The following TCF7 variants were observed in gnomAD, a reference collection of about 807,000 sequenced individuals.
The protein encoded by TCF7 is transcription factor 7.
TCF7 carries 19 observed loss-of-function variants against 46.8 expected under a neutral mutation model. The observed-to-expected ratio is 0.41, with a 90% CI of 0.28 to 0.60. TCF7 has a LOEUF of 0.60. TCF7 is among the 20% of genes least tolerant of loss of function. The pLI is 0.35. For synonymous variants in TCF7, 245 were observed against 213.4 expected (o/e 1.15, Z -1.29); for missense variants, 547 against 504.6 (o/e 1.08, Z -0.81).
chr5:134,130,646 G>A (rs34908535), intron 3 of TCF7, among the ~76,000 whole-genome samples: 7,243 of 152,274 alleles, frequency 0.048, 211 homozygotes, highest in Non-Finnish European at 0.066. Flanking sequence ...AGGAGAGGAC[G>A]GGGGTAGGAG....
chr5:134,115,739 C>G, intron 2 of TCF7, 170 bp from the exon 3 acceptor site: 1 of 1,447,418 alleles, frequency 6.9e-7, no homozygotes, highest in Non-Finnish European at 9.1e-7. Context: ...GGCCTGCCCT[C>G]CAGGTCCTTC....
chr5:134,114,071 G>A (rs1340829382), upstream of TCF7, among the ~76,000 whole-genome samples: 1 of 152,212 alleles, frequency 6.6e-6, no homozygotes, highest in Non-Finnish European at 1.5e-5. Flanking sequence ...CGTCACAGAT[G>A]TGTGATGTAT....
intron 1 of TCF7, 34 bp from the exon 2 acceptor site, chr5:134,115,287 A>C: frequency 6.6e-7 from 1 of 1,506,974 alleles, no homozygotes. Flanking sequence ...CCGCGGTCCC[A>C]CCGCCCCTCA....
In TCF7 at chr5:134,114,767, C is replaced by T. The variant is rs1226302606; in HGVS notation, c.-140C>T. 2.3e-6 allele frequency: 2 copies of T among 852,936 alleles called. No homozygotes were observed. Among genetic ancestry groups the T allele is most frequent in the East Asian group, 1.2e-4 (1 of 8,012 alleles). 52.8% of individuals were successfully genotyped at this position (852,936 alleles called of 1,614,324 possible). ...GCCCTAGCCCGCGCCTGCAGCCCGC[C>T]CAGGCGGAGTCAGCCCGCGCTCCGC... On this transcript the variant is annotated 5_prime_UTR_variant, in exon 1 of 10. Coordinates refer to ENST00000342854, the MANE Select transcript of TCF7 (RefSeq NM_003202.5).
upstream of TCF7, among the ~76,000 whole-genome samples, chr5:134,109,937 C>T (rs244950): frequency 0.8 from 121,638 of 152,182 alleles, 48,963 homozygotes; most frequent in Non-Finnish European, 0.86. Context: ...CTGGTACACC[C>T]GGCAGCCTAG....
In TCF7 at chr5:134,146,758, A is replaced by C. The variant is rs890879344; in HGVS notation, c.*455A>C. The C allele has an allele frequency of 3.6e-6, 2 of 551,106 alleles. No individual in the cohort carries two copies. Among genetic ancestry groups the C allele is most frequent in the African/African-American group, 3.8e-5 (2 of 52,326 alleles). 34.1% of individuals were successfully genotyped at this position (551,106 alleles called of 1,614,324 possible). On this transcript the variant is annotated 3_prime_UTR_variant, in exon 10 of 10. Coordinates refer to ENST00000342854, the MANE Select transcript of TCF7 (RefSeq NM_003202.5). ...CTAATTAAGGGAATCCCTTGTACCTATGGCTGCCTGCATCTATTCTTTGTA... is the reference window on the plus strand; with the variant it reads ...CTAATTAAGGGAATCCCTTGTACCTCTGGCTGCCTGCATCTATTCTTTGTA...
chr5:134,146,252 C>T lies in TCF7; in HGVS notation c.1104C>T (p.Tyr368=). 1 of 1,614,198 alleles carries T rather than the reference C, an allele frequency of 6.2e-7. No homozygotes were observed. The highest frequency in any genetic ancestry group is 1.3e-5 in the African/African-American group (1 of 75,026). Reference sequence around the variant, plus strand: ...GAAAAAGAAATGCATTCGGTACTTACCCGGAGAAGGCCGCTGCCCCAGCCC... The same window carrying T: ...GAAAAAGAAATGCATTCGGTACTTATCCGGAGAAGGCCGCTGCCCCAGCCC... ...TGGKRNAFGT[Y]PEKAAAPAPF... Residue 368 remains tyrosine (Y), a synonymous_variant, in exon 10 of 10, where the codon TAC becomes TAT. Coordinates refer to ENST00000342854, the MANE Select transcript of TCF7 (RefSeq NM_003202.5).
chr5:134,142,616 T>TTA, intron 6 of TCF7, 105 bp from the exon 7 acceptor site: 1 of 1,430,258 alleles, frequency 7.0e-7, no homozygotes, highest in Non-Finnish European at 9.4e-7. Context: ...TAGAAAACTC[T>TTA]GGTATCATAC....
At chr5:134,121,892 T>C (rs1017601379) in intron 3 of TCF7, among the ~76,000 whole-genome samples, 1 of 152,206 alleles carries the variant, frequency 6.6e-6, no homozygotes. Context: ...CCCAGTGCGC[T>C]GTAGGTTCTG....
intron 3 of TCF7, among the ~76,000 whole-genome samples, chr5:134,125,714 G>T (rs929442131): frequency 6.6e-6 from 1 of 152,260 alleles, no homozygotes; most frequent in Non-Finnish European, 1.5e-5. Context: ...AGCACTGGGA[G>T]GGTGCTAGTC....
chr5:134,147,571 A>G lies in TCF7; in HGVS notation c.*1268A>G, dbSNP rs1166815541. ...CCCAGAAAACCTCCAGTAGTGGACA[A>G]CAGGTTTTCACCATAGCCTACGTTA... On this transcript the variant is annotated 3_prime_UTR_variant, in exon 10 of 10. Coordinates refer to ENST00000342854, the MANE Select transcript of TCF7 (RefSeq NM_003202.5). 1 of 152,668 alleles carries G rather than the reference A, an allele frequency of 6.6e-6. No homozygotes were observed. The highest frequency in any genetic ancestry group is 2.4e-5 in the African/African-American group (1 of 41,456). 9.5% of individuals were successfully genotyped at this position (152,668 alleles called of 1,614,324 possible). A position where few individuals can be genotyped will look rare whatever the true frequency, so the allele number is the denominator to read the frequency against.
At chr5:134,145,287 G>A (rs1561704152) in intron 9 of TCF7, 2 of 539,884 alleles carry the variant, frequency 3.7e-6, no homozygotes, top group South Asian at 2.8e-5. Context: ...ACCATCCTGA[G>A]CCCTTAATCT....
intron 3 of TCF7, among the ~76,000 whole-genome samples, chr5:134,124,383 C>G (rs1022944361): frequency 6.6e-6 from 1 of 152,190 alleles, no homozygotes; most frequent in Non-Finnish European, 1.5e-5. Context: ...CAGAGGGTTC[C>G]CCCTTCCCCT....
intron 2 of TCF7, chr5:134,115,693 G>C: frequency 3.5e-6 from 5 of 1,427,134 alleles, no homozygotes; most frequent in Non-Finnish European, 4.6e-6. Context: ...GTTGGAGGGC[G>C]GGGGGTGGGA....
At chr5:134,109,795 A>T (rs958481996), upstream of TCF7, among the ~76,000 whole-genome samples, 1 of 150,842 alleles carries the variant, frequency 6.6e-6, no homozygotes, top group African/African-American at 2.4e-5. Context: ...AAAAAAAAGA[A>T]CTTAGAGGCA....
intron 3 of TCF7, among the ~76,000 whole-genome samples, chr5:134,121,838 G>A (rs1380540168): frequency 6.6e-6 from 1 of 152,148 alleles, no homozygotes; most frequent in East Asian, 1.9e-4. Context: ...AGAATTATGG[G>A]GTCAAGAGGC....
chr5:134,132,064 G>A (rs1195285505), intron 3 of TCF7, among the ~76,000 whole-genome samples: 1 of 152,226 alleles, frequency 6.6e-6, no homozygotes, highest in Non-Finnish European at 1.5e-5. Flanking sequence ...GCTGGGAAAG[G>A]GAGAGACTGT....
At chr5:134,120,579 T>C (rs915436440) in intron 3 of TCF7, among the ~76,000 whole-genome samples, 3 of 152,144 alleles carry the variant, frequency 2.0e-5, no homozygotes, top group African/African-American at 7.2e-5. Flanking sequence ...ACTCTTGCAC[T>C]GCTTCCCTCC....
At chr5:134,118,197 ATCT>A (rs1170168858) in intron 3 of TCF7, among the ~76,000 whole-genome samples, 4 of 152,296 alleles carry the variant, frequency 2.6e-5, no homozygotes, top group East Asian at 1.9e-4. Context: ...ACCAGGAATG[ATCT>A]TCTTTTCTTG....
Sources: allele counts gnomAD v4.1 joint callset (sites outside exome capture counted in the v4.1 genomes callset), GRCh38; gene constraint gnomAD v4.1.1; transcripts MANE v1.5; gene names NCBI Gene and HGNC (gene_info 2026-07-23, HGNC 2026-07-21).